The following BABAM2 variants were observed in gnomAD, a reference collection of about 807,000 sequenced individuals.
BABAM2 encodes the protein BRISC and BRCA1 A complex member 2, also known as BRISC and BRCA1-A complex member 2.
A neutral mutation model predicts 54.7 loss-of-function variants in BABAM2; 31 were observed. The observed-to-expected ratio is 0.57, with a 90% CI of 0.43 to 0.77. BABAM2 has a LOEUF of 0.77. BABAM2 is among the 30% of genes least tolerant of loss of function. BABAM2 has a pLI of 0.00. For synonymous variants in BABAM2, 167 were observed against 162.9 expected (o/e 1.03, Z -0.19); for missense variants, 364 against 455.8 (o/e 0.80, Z 1.83).
At chr2:28,235,906 A>C (rs2148054384) in intron 7 of BABAM2, among the ~76,000 whole-genome samples, 1 of 151,210 alleles carries the variant, frequency 6.6e-6, no homozygotes, top group South Asian at 2.1e-4. Flanking sequence ...GTGATTTGCC[A>C]ACCTCAGCCT....
Position 27,995,955 on chromosome 2 carries a change from A to G in BABAM2, c.300+7868A>G, listed in dbSNP as rs1371699842. 6.6e-6 allele frequency among the ~76,000 whole-genome samples: 1 copy of G among 152,170 alleles called. No individual in the cohort carries two copies. Among genetic ancestry groups the G allele is most frequent in the South Asian group, 2.1e-4 (1 of 4,828 alleles). On this transcript the variant is annotated intron_variant, in intron 4 of 11. Transcript: ENST00000379624. The surrounding 1 kb of genome is among the most constrained non-coding windows in gnomAD (Gnocchi z 4.1). ...ATTTGATTATTTTCTGTAAATTCCA[A>G]TTATCTGGTTAACTTATCTTTTCAT...
intron 6 of BABAM2, among the ~76,000 whole-genome samples, chr2:28,106,556 C>T (rs1374436595): frequency 1.3e-5 from 2 of 152,190 alleles, no homozygotes; most frequent in African/African-American, 4.8e-5. Flanking sequence ...CTGATGTTCA[C>T]TCATGATTAG....
intron 3 of BABAM2, among the ~76,000 whole-genome samples, chr2:27,981,869 A>C (rs1375892200): frequency 6.6e-6 from 1 of 152,122 alleles, no homozygotes; most frequent in Admixed American, 6.6e-5. Context: ...GTATATGTAT[A>C]CCTACGAGTG....
chr2:28,044,294 A>G (rs539225859), intron 5 of BABAM2, among the ~76,000 whole-genome samples: 2 of 152,236 alleles, frequency 1.3e-5, no homozygotes, highest in South Asian at 4.1e-4. Context: ...CAATGGTGCA[A>G]TATTGGCTCA....
upstream of BABAM2, among the ~76,000 whole-genome samples, chr2:27,889,194 T>C (rs1664639990): frequency 6.6e-6 from 1 of 152,236 alleles, no homozygotes; most frequent in Non-Finnish European, 1.5e-5. Context: ...TAAGGTTAAA[T>C]TGGTTACATG....
At chr2:28,326,472 C>A (rs1690466796) in intron 11 of BABAM2, among the ~76,000 whole-genome samples, 1 of 152,180 alleles carries the variant, frequency 6.6e-6, no homozygotes, top group Non-Finnish European at 1.5e-5. Flanking sequence ...GCAGCACATT[C>A]CTTAGCCCCC....
At chr2:27,909,597 G>A (rs1666432687) in intron 2 of BABAM2, among the ~76,000 whole-genome samples, 1 of 152,130 alleles carries the variant, frequency 6.6e-6, no homozygotes, top group Admixed American at 6.5e-5. Context: ...ATGTTCTCCA[G>A]TTGGTTAAAT....
intron 7 of BABAM2, among the ~76,000 whole-genome samples, chr2:28,171,779 T>C (rs908982855): frequency 6.6e-6 from 1 of 152,190 alleles, no homozygotes; most frequent in Non-Finnish European, 1.5e-5. Flanking sequence ...CTCTCCTAGG[T>C]ATGTGTAGCA....
intron 7 of BABAM2, among the ~76,000 whole-genome samples, chr2:28,130,343 C>G (rs1354603130): frequency 8.5e-5 from 13 of 152,140 alleles, no homozygotes; most frequent in Admixed American, 7.2e-4. Flanking sequence ...GCTGTTTATA[C>G]TCAAATATGG....
At chr2:28,140,318 A>T (rs1670930265) in intron 7 of BABAM2, among the ~76,000 whole-genome samples, 1 of 152,210 alleles carries the variant, frequency 6.6e-6, no homozygotes, top group African/African-American at 2.4e-5. Context: ...CAACACTGTG[A>T]GACCATTATT....
At chr2:27,942,665 G>C (rs1273410263) in intron 3 of BABAM2, among the ~76,000 whole-genome samples, 1 of 151,920 alleles carries the variant, frequency 6.6e-6, no homozygotes, top group Non-Finnish European at 1.5e-5. Flanking sequence ...ATTGCACCCG[G>C]CCTTGGTTTC....
In BABAM2 at chr2:28,241,293, C is replaced by T. The variant is rs1269253885; in HGVS notation, c.781-30C>T. 8.8e-6 allele frequency: 14 copies of T among 1,597,364 alleles called. No individual in the cohort carries two copies. The East Asian group carries it at 3.1e-4, about 36-fold the overall frequency. ...ATAAAGCATTTAAAAGATTCCCACTCTACTTCTCAGCTTTGGGTTTCTATT... is the reference window on the plus strand; with the variant it reads ...ATAAAGCATTTAAAAGATTCCCACTTTACTTCTCAGCTTTGGGTTTCTATT... On this transcript the variant is annotated intron_variant, in intron 8 of 11. Coordinates refer to ENST00000379624, the MANE Select transcript of BABAM2 (RefSeq NM_199191.3).
At chr2:28,082,918 T>C (rs1179330170) in intron 6 of BABAM2, among the ~76,000 whole-genome samples, 1 of 152,168 alleles carries the variant, frequency 6.6e-6, no homozygotes, top group Non-Finnish European at 1.5e-5. Context: ...CATGCACCAC[T>C]CTTTTCAGTA....
rs1690080289 is a variant in BABAM2, at chr2:28,322,232, A to G, written c.1089-16218A>G. 6.6e-6 allele frequency among the ~76,000 whole-genome samples: 1 copy of G among 152,122 alleles called. No individual in the cohort carries two copies. Among genetic ancestry groups the G allele is most frequent in the Non-Finnish European group, 1.5e-5 (1 of 68,022 alleles). ...AGTGATGGAGCTTCCAGCTGCCCCT[A>G]CCATTCGGTGCACAAGTGTCCCTGA... On this transcript the variant is annotated intron_variant, in intron 11 of 11. Coordinates refer to ENST00000379624, the MANE Select transcript of BABAM2 (RefSeq NM_199191.3). This position sits in a 1 kb window ranked among gnomAD's most constrained non-coding sequence, Gnocchi z 4.1.
At chr2:28,087,885 A>T (rs902414068) in intron 6 of BABAM2, among the ~76,000 whole-genome samples, 1 of 152,140 alleles carries the variant, frequency 6.6e-6, no homozygotes. Flanking sequence ...TCTGACGTCA[A>T]GTGATCTGCC....
chr2:28,239,934 G>A (rs1029446101), intron 8 of BABAM2, among the ~76,000 whole-genome samples: 1 of 152,116 alleles, frequency 6.6e-6, no homozygotes, highest in Non-Finnish European at 1.5e-5. Flanking sequence ...CCTTAGCCAA[G>A]TGATCAGGCC....
At chr2:28,310,992 T>G (rs1384588533) in intron 11 of BABAM2, among the ~76,000 whole-genome samples, 1 of 152,054 alleles carries the variant, frequency 6.6e-6, no homozygotes, top group Admixed American at 6.6e-5. Flanking sequence ...CTGGGCGCGG[T>G]GGCTCACGCC....
At chr2:28,155,930 A>G (rs952863100) in intron 7 of BABAM2, among the ~76,000 whole-genome samples, 1 of 152,196 alleles carries the variant, frequency 6.6e-6, no homozygotes, top group African/African-American at 2.4e-5. Flanking sequence ...AATTCATAAC[A>G]TGAGGTACTT....
chr2:28,082,398 G>C (rs1215710904), intron 6 of BABAM2, among the ~76,000 whole-genome samples: 1 of 152,204 alleles, frequency 6.6e-6, no homozygotes, highest in Non-Finnish European at 1.5e-5. Flanking sequence ...TCTGAATTCT[G>C]TTGGTGCTTA....
Sources: allele counts gnomAD v4.1 joint callset (sites outside exome capture counted in the v4.1 genomes callset), GRCh38; gene constraint gnomAD v4.1.1; non-coding constraint Gnocchi (gnomAD v3.1); transcripts MANE v1.5; gene names NCBI Gene and HGNC (gene_info 2026-07-23, HGNC 2026-07-21).